The following SIN3B variants were observed in gnomAD, a reference collection of about 807,000 sequenced individuals.
SIN3B encodes paired amphipathic helix protein Sin3b.
In SIN3B, 19 loss-of-function variants were observed where a neutral mutation model predicts 120.2. That is an observed-to-expected ratio of 0.16 (90% CI 0.11 to 0.23). The LOEUF (loss-of-function observed/expected upper bound fraction) is 0.23. Among genes scored for constraint, SIN3B ranks in the 10% least tolerant of loss-of-function variants. The pLI is 1.00. For synonymous variants in SIN3B, 654 were observed against 653.2 expected (o/e 1.00, Z -0.02); for missense variants, 1,073 against 1,573.0 (o/e 0.68, Z 5.38).
At position 16,862,574 on chromosome 19, in the gene SIN3B, G is replaced by C; in HGVS notation, c.1266+15G>C. On this transcript the variant is annotated intron_variant, in intron 9 of 18. Coordinates refer to ENST00000248054, the MANE Select transcript of SIN3B (RefSeq NM_001297595.2). The surrounding 1 kb of genome is among the most constrained non-coding windows in gnomAD (Gnocchi z 4.7). ...TCTGCAAGGAGGTAGCGCTCCCTGG[G>C]GCTCAAATGTTCGTTGACATGGTGC... The C allele has an allele frequency of 6.2e-7, 1 of 1,607,442 alleles. No homozygotes were observed. Among genetic ancestry groups the C allele is most frequent in the Non-Finnish European group, 8.5e-7 (1 of 1,177,464 alleles).
chr19:16,860,663 T>G (rs1028512057), intron 8 of SIN3B, among the ~76,000 whole-genome samples: 102 of 148,230 alleles, frequency 6.9e-4, no homozygotes, highest in African/African-American at 2.5e-3. Context: ...TGCAGTGGCG[T>G]GATCTCGGCT....
At chr19:16,849,943 G>A (rs183906488) in intron 5 of SIN3B, among the ~76,000 whole-genome samples, 1 of 147,812 alleles carries the variant, frequency 6.8e-6, no homozygotes, top group African/African-American at 2.5e-5. Context: ...GTGACAGAGT[G>A]AGACCTCCGT....
rs1568425935 is a variant in SIN3B at position 16,871,287 on chromosome 19, G to A, written c.2481G>A (p.Leu827=). 1 of 1,614,212 alleles carries A rather than the reference G, an allele frequency of 6.2e-7. No homozygotes were observed. Among genetic ancestry groups the A allele is most frequent in the Non-Finnish European group, 8.5e-7 (1 of 1,180,036 alleles). ...PAFLDMVRSL[L]EGSIDPTQYE... Reference sequence around the variant, plus strand: ...TCCTGGACATGGTGCGGAGCCTGCTGGAGGGCAGCATCGACCCCACGCAGT... The same window carrying A: ...TCCTGGACATGGTGCGGAGCCTGCTAGAGGGCAGCATCGACCCCACGCAGT... Residue 827 remains leucine (L), a synonymous_variant, in exon 14 of 19, where the codon CTG becomes CTA. Transcript: ENST00000248054.
intron 5 of SIN3B, among the ~76,000 whole-genome samples, chr19:16,848,816 A>G (rs140201083): frequency 6.6e-6 from 1 of 151,768 alleles, no homozygotes; most frequent in African/African-American, 2.4e-5. Context: ...TTATTTTTTA[A>G]TTGTAGAGAC....
At chr19:16,860,502 G>A (rs1423599598) in intron 8 of SIN3B, among the ~76,000 whole-genome samples, 1 of 151,966 alleles carries the variant, frequency 6.6e-6, no homozygotes, top group African/African-American at 2.4e-5. Context: ...GAACGACGGA[G>A]CCCACATCAA....
chr19:16,854,964 C>A (rs147764388), intron 8 of SIN3B: 2 of 152,308 alleles, frequency 1.3e-5, no homozygotes, highest in East Asian at 3.9e-4. Flanking sequence ...GCCGTAGGAA[C>A]GTCATTCTTG....
intron 16 of SIN3B, 117 bp from the exon 17 acceptor site, chr19:16,877,428 T>C (rs2051623222): frequency 7.0e-6 from 5 of 717,204 alleles, no homozygotes; most frequent in South Asian, 1.7e-5. Context: ...GCTCTCCTCA[T>C]GCTCTGGCAG....
chr19:16,837,178 G>C (rs976484167), intron 3 of SIN3B, among the ~76,000 whole-genome samples: 3 of 152,038 alleles, frequency 2.0e-5, no homozygotes, highest in Admixed American at 1.3e-4. Context: ...TTGAGGAACA[G>C]CCAAGGAGAA....
intron 1 of SIN3B, 68 bp from the exon 2 acceptor site, chr19:16,829,723 A>G (rs1395342865): frequency 5.0e-6 from 7 of 1,407,274 alleles, no homozygotes; most frequent in Admixed American, 1.8e-5. Flanking sequence ...CCTTCCCCTC[A>G]GGGACCCCGG....
Position 16,829,506 on chromosome 19 carries a change from C to A in SIN3B, c.86C>A (p.Ser29Ter). ...RGLSGARWGRSGSAGHEKLPV... is the reference protein window; with the variant it reads ...RGLSGARWGR ...CTGAGCGGCGCCCGCTGGGGTCGCTCGGGCTCCGCAGGCCACGAGAAGCTG... is the reference window on the plus strand; with the variant it reads ...CTGAGCGGCGCCCGCTGGGGTCGCTAGGGCTCCGCAGGCCACGAGAAGCTG... Residue 29 changes from serine (S) to a stop codon, truncating the protein, a stop_gained, in exon 1 of 19, where the codon TCG becomes TAG. Transcript: ENST00000248054. LOFTEE classifies it high-confidence loss of function. 1 of 1,224,672 alleles carries A rather than the reference C, an allele frequency of 8.2e-7. No homozygotes were observed. The highest frequency in any genetic ancestry group is 4.1e-5 in the South Asian group (1 of 24,532). The allele number at this position is 1,224,672 out of a possible 1,614,324, so 75.9% of individuals were successfully genotyped here. A position where few individuals can be genotyped will look rare whatever the true frequency, so the allele number is the denominator to read the frequency against.
At position 16,869,742 on chromosome 19, in the gene SIN3B, G is replaced by A; in HGVS notation, c.2089G>A (p.Glu697Lys). The A allele has an allele frequency of 6.2e-7, 1 of 1,613,340 alleles. No individual in the cohort carries two copies. Among genetic ancestry groups the A allele is most frequent in the East Asian group, 2.2e-5 (1 of 44,888 alleles). Reference protein sequence around the residue: ...SPQGQTTDPSERKKPAPGPHS... With the variant: ...SPQGQTTDPSKRKKPAPGPHS... ...CCAGGGGCAGACCACAGACCCCAGT[G>A]AGCGGAAGAAGCCGGCGCCAGGACC... The change falls in exon 13 of 19, where the codon GAG becomes AAG. Residue 697 changes from glutamate (E) to lysine (K), a missense_variant. Glu to Lys is a moderately conservative substitution (Grantham distance 56). Coordinates refer to ENST00000248054, the MANE Select transcript of SIN3B (RefSeq NM_001297595.2).
At chr19:16,833,383 C>T (rs1451895842) in intron 3 of SIN3B, among the ~76,000 whole-genome samples, 2 of 152,042 alleles carry the variant, frequency 1.3e-5, no homozygotes, top group Non-Finnish European at 2.9e-5. Flanking sequence ...CCTGTAATCC[C>T]AGCACTTTGG....
chr19:16,844,907 C>T (rs1971460996), intron 4 of SIN3B, among the ~76,000 whole-genome samples: 1 of 152,000 alleles, frequency 6.6e-6, no homozygotes, highest in Admixed American at 6.6e-5. Context: ...CAGGGCTGGC[C>T]CCTAGCACAG....
In SIN3B at chr19:16,877,721, C is replaced by G. The variant is rs570479138; in HGVS notation, c.2954+82C>G. ...CCCTTTGTCCTGACGGGGGCTGGAC[C>G]ATGGCACACTGTCTGGGAGCACTTA... On this transcript the variant is annotated intron_variant, in intron 17 of 18. Transcript: ENST00000248054. The G allele has an allele frequency of 2.8e-4, 275 of 973,892 alleles. No individual in the cohort carries two copies. In the African/African-American group the frequency reaches 3.5e-3, roughly 12 times the overall value. 60.3% of individuals were successfully genotyped at this position (973,892 alleles called of 1,614,324 possible). A position where few individuals can be genotyped will look rare whatever the true frequency, so the allele number is the denominator to read the frequency against.
Position 16,854,130 on chromosome 19 carries a change from G to A in SIN3B, c.940-13G>A. The A allele has an allele frequency of 6.2e-7, 1 of 1,601,968 alleles. No individual in the cohort carries two copies. The highest frequency in any genetic ancestry group is 8.5e-7 in the Non-Finnish European group (1 of 1,172,122). On this transcript the variant is annotated splice_polypyrimidine_tract_variant and intron_variant, in intron 7 of 18. Coordinates refer to ENST00000248054, the MANE Select transcript of SIN3B (RefSeq NM_001297595.2). ...CAGGGGTTCACAGTGGTCCCTGACT[G>A]CTCTCTCTGCAGGTCCGCCGGGTGC... is the stretch of plus-strand genomic sequence containing the variant.
At position 16,841,217 on chromosome 19, in the gene SIN3B, G is replaced by A. The variant is rs1248607707; in HGVS notation, c.382-551G>A. 3.3e-5 allele frequency among the ~76,000 whole-genome samples: 5 copies of A among 152,062 alleles called. No homozygotes were observed. The East Asian group carries it at 9.6e-4, about 29-fold the overall frequency. The stretch of plus-strand genomic sequence containing the variant: ...TCAGGGCCTGTCTTTTCTCCCAAGC[G>A]ACCGATGCACCTTATTGCGATTGGC... On this transcript the variant is annotated intron_variant, in intron 3 of 18. Coordinates refer to ENST00000248054, the MANE Select transcript of SIN3B (RefSeq NM_001297595.2).
chr19:16,847,317 T>C (rs1971491762), intron 5 of SIN3B, among the ~76,000 whole-genome samples: 1 of 152,188 alleles, frequency 6.6e-6, no homozygotes, highest in Non-Finnish European at 1.5e-5. Context: ...TTTGCCAAGG[T>C]GCTTCTCTGT....
chr19:16,852,288 T>A (rs957561946), intron 6 of SIN3B, among the ~76,000 whole-genome samples: 1 of 152,152 alleles, frequency 6.6e-6, no homozygotes, highest in Non-Finnish European at 1.5e-5. Context: ...TTCTTTCTCC[T>A]GTGGGGGGAT....
At chr19:16,866,295 G>A in intron 11 of SIN3B, 78 bp from the exon 12 acceptor site, 1 of 1,438,574 alleles carries the variant, frequency 7.0e-7, no homozygotes, top group East Asian at 2.3e-5. Flanking sequence ...AGTCCCAGAG[G>A]AAGACAGGCC....
Sources: gnomAD v4.1 joint callset for allele counts (sites outside exome capture counted in the v4.1 genomes callset) on GRCh38, gnomAD v4.1.1 for gene constraint, Gnocchi (gnomAD v3.1) non-coding constraint, MANE v1.5 for transcripts, NCBI Gene and HGNC (gene_info 2026-07-23, HGNC 2026-07-21) for gene names.